The following UGT8 variants were observed in gnomAD, a reference collection of about 807,000 sequenced individuals.
UGT8 encodes the protein 2-hydroxyacylsphingosine 1-beta-galactosyltransferase.
In UGT8, 12 loss-of-function variants were observed where a neutral mutation model predicts 40.5. That is an observed-to-expected ratio of 0.30 (90% CI 0.19 to 0.48). UGT8 has a LOEUF of 0.48. UGT8 is among the 20% of genes least tolerant of loss of function. The pLI is 0.99. For synonymous variants in UGT8, 224 were observed against 240.4 expected, an observed-to-expected ratio of 0.93 and a Z score of 0.63; for missense variants, 513 against 648.7, an observed-to-expected ratio of 0.79 and a Z score of 2.27.
At chr4:114,654,657 C>T (rs1369256814) in intron 2 of UGT8, among the ~76,000 whole-genome samples, 4 of 152,022 alleles carry the variant, frequency 2.6e-5, no homozygotes, top group Non-Finnish European at 5.9e-5. Flanking sequence ...TTCATGTTGC[C>T]TTCTTTACTG....
At chr4:114,612,314 G>A (rs968873048) in intron 1 of UGT8, among the ~76,000 whole-genome samples, 2 of 151,942 alleles carry the variant, frequency 1.3e-5, no homozygotes, top group African/African-American at 4.8e-5. Flanking sequence ...TTAATCACAG[G>A]GAATAAAGGG....
chr4:114,670,009 C>T (rs1021089890), intron 5 of UGT8, among the ~76,000 whole-genome samples: 9 of 151,838 alleles, frequency 5.9e-5, no homozygotes, highest in African/African-American at 1.5e-4. Context: ...ATATTGTGTC[C>T]GAGATATTCT....
chr4:114,624,513 G>A (rs1009362899), intron 2 of UGT8, among the ~76,000 whole-genome samples: 3 of 152,000 alleles, frequency 2.0e-5, no homozygotes, highest in Non-Finnish European at 4.4e-5. Flanking sequence ...GGAAGTGTAG[G>A]GCTTGTTGCA....
intron 2 of UGT8, among the ~76,000 whole-genome samples, chr4:114,633,351 G>A (rs554328640): frequency 6.6e-6 from 1 of 152,310 alleles, no homozygotes; most frequent in Non-Finnish European, 1.5e-5. Context: ...TAGAAAATAA[G>A]GAGTCTTCTC....
chr4:114,654,460 G>A (rs1734058395), intron 2 of UGT8, among the ~76,000 whole-genome samples: 1 of 152,014 alleles, frequency 6.6e-6, no homozygotes, highest in African/African-American at 2.4e-5. Context: ...ACCTATAGTT[G>A]AGGAATTCAG....
At chr4:114,645,046 A>AGACG (rs991852136) in intron 2 of UGT8, among the ~76,000 whole-genome samples, 1 of 151,930 alleles carries the variant, frequency 6.6e-6, no homozygotes, top group Non-Finnish European at 1.5e-5. Context: ...GTTCACAGAC[A>AGACG]GACTTCCTAA....
At chr4:114,660,784 G>A (rs370217561) in intron 2 of UGT8, among the ~76,000 whole-genome samples, 3 of 151,608 alleles carry the variant, frequency 2.0e-5, no homozygotes, top group Non-Finnish European at 4.4e-5. Flanking sequence ...CCAGCTACTC[G>A]GGAGGCTGAG....
intron 5 of UGT8, among the ~76,000 whole-genome samples, chr4:114,673,174 A>G (rs1040993420): frequency 2.3e-4 from 35 of 152,098 alleles, no homozygotes; most frequent in Admixed American, 1.8e-3. Context: ...GACCATTTTT[A>G]ATCACACTAT....
chr4:114,664,976 T>C (rs1734765039), intron 3 of UGT8, among the ~76,000 whole-genome samples: 1 of 152,226 alleles, frequency 6.6e-6, no homozygotes, highest in African/African-American at 2.4e-5. Context: ...TTTATTTTAT[T>C]CTAACTGTTC....
chr4:114,659,150 A>C (rs977847638), intron 2 of UGT8, among the ~76,000 whole-genome samples: 8 of 152,328 alleles, frequency 5.3e-5, no homozygotes, highest in Non-Finnish European at 1.2e-4. Context: ...CACGATCATT[A>C]AAATAAATGC....
intron 2 of UGT8, among the ~76,000 whole-genome samples, chr4:114,635,970 C>T (rs996054326): frequency 6.6e-6 from 1 of 152,056 alleles, no homozygotes; most frequent in Non-Finnish European, 1.5e-5. Context: ...CAAAAAAGCT[C>T]ATTTTTCAGA....
Position 114,629,130 on chromosome 4 carries a change from G to A in UGT8, c.822+5428G>A, listed in dbSNP as rs373854148. On this transcript the variant is annotated intron_variant, in intron 2 of 5. Transcript: ENST00000310836. ...GTTGCAGCAGATGTGGAAAATTAAG[G>A]CCATTTTTATTAATAATTACATATG... Among the ~76,000 whole-genome samples the A allele has an allele frequency of 7.8e-4, 118 of 152,140 alleles. 1 individual carries two copies. Among genetic ancestry groups the A allele is most frequent in the African/African-American group, 2.8e-3 (116 of 41,518 alleles).
chr4:114,655,660 C>T (rs1376637792), intron 2 of UGT8, among the ~76,000 whole-genome samples: 2 of 151,968 alleles, frequency 1.3e-5, no homozygotes, highest in Non-Finnish European at 2.9e-5. Flanking sequence ...ATATGATACC[C>T]TGTCACCCTC....
At chr4:114,663,400 A>G (rs1734670712) in intron 2 of UGT8, among the ~76,000 whole-genome samples, 1 of 152,036 alleles carries the variant, frequency 6.6e-6, no homozygotes, top group African/African-American at 2.4e-5. Flanking sequence ...GTGTTCCTCA[A>G]CGTGCCGTGG....
intron 1 of UGT8, among the ~76,000 whole-genome samples, chr4:114,605,714 G>A (rs1730689704): frequency 6.6e-6 from 1 of 152,080 alleles, no homozygotes; most frequent in Admixed American, 6.6e-5. Context: ...GTAGAATCAA[G>A]TGTGCAAATA....
chr4:114,598,667 C>T (rs1376242202), upstream of UGT8: 1 of 151,960 alleles, frequency 6.6e-6, no homozygotes, highest in African/African-American at 2.4e-5. Flanking sequence ...GCGGCGCGCT[C>T]CGACTCTGCT....
rs66529253 is a variant in UGT8 at position 114,611,445 on chromosome 4, T to TAC, written c.-2-11422_-2-11421dup. Reference sequence around the variant, plus strand: ...ATATATATATATATATATATATATATACACACACACACAGAGATATTAGAT... The same window carrying TAC: ...ATATATATATATATATATATATATATACACACACACACACAGAGATATTAGAT... On this transcript the variant is annotated intron_variant, in intron 1 of 5. Transcript: ENST00000310836. Among the ~76,000 whole-genome samples, 747 of 104,458 alleles carry TAC rather than the reference T, an allele frequency of 7.2e-3. 17 individuals are homozygous for TAC. The highest frequency in any genetic ancestry group is 0.035 in the African/African-American group (693 of 19,638). 68.5% of individuals were successfully genotyped at this position (104,458 alleles called of 152,430 possible).
At position 114,627,131 on chromosome 4, in the gene UGT8, C is replaced by T. The variant is rs903219798; in HGVS notation, c.822+3429C>T. Among the ~76,000 whole-genome samples the T allele has an allele frequency of 3.3e-5, 5 of 151,948 alleles. No individual in the cohort carries two copies. In the South Asian group the frequency reaches 8.3e-4, roughly 25 times the overall value. On this transcript the variant is annotated intron_variant, in intron 2 of 5. Coordinates refer to ENST00000310836, the MANE Select transcript of UGT8 (RefSeq NM_001128174.3). ...AGGGGAAGAATTCTGAGTTGGATCA[C>T]ATTCATATAGTGGTTTACCTACTCT...
At chr4:114,617,027 C>T (rs896676716) in intron 1 of UGT8, among the ~76,000 whole-genome samples, 1 of 151,930 alleles carries the variant, frequency 6.6e-6, no homozygotes, top group Non-Finnish European at 1.5e-5. Context: ...CTGAGGCAGG[C>T]AGATCACACG....
Sources: gnomAD v4.1 joint callset for allele counts (sites outside exome capture counted in the v4.1 genomes callset) on GRCh38, gnomAD v4.1.1 for gene constraint, MANE v1.5 for transcripts, NCBI Gene and HGNC (gene_info 2026-07-23, HGNC 2026-07-21) for gene names.